Variants in HMCN1 observed in about 807,000 individuals in gnomAD.
HMCN1 encodes the protein hemicentin 1, also known as hemicentin-1.
HMCN1 carries 321 observed loss-of-function variants against 625.9 expected under a neutral mutation model. The ratio of observed to expected loss-of-function variants is 0.51; its 90% confidence interval spans 0.47 to 0.56. The LOEUF is 0.56. Among genes scored for constraint, HMCN1 ranks in the 20% least tolerant of loss-of-function variants. The pLI is 0.00. For missense variants in HMCN1, 6,588 were observed against 6,887.3 expected, an observed-to-expected ratio of 0.96 and a Z score of 1.54; for synonymous variants, 2,425 against 2,417.6, an observed-to-expected ratio of 1.00 and a Z score of -0.09.
At chr1:186,174,698 T>C in intron 103 of HMCN1, 56 bp downstream of exon 103, 2 of 1,574,766 alleles carry the variant, frequency 1.3e-6, no homozygotes, top group East Asian at 2.2e-5. Context: ...TACCTAGCCT[T>C]ACCAACTCGC....
In HMCN1 at chr1:185,798,958, T is replaced by C. The variant is rs149681616; in HGVS notation, c.269-47068T>C. On this transcript the variant is annotated intron_variant, in intron 1 of 106. Coordinates refer to ENST00000271588, the MANE Select transcript of HMCN1 (RefSeq NM_031935.3). ...GGTGTTGTAACACTTTTTCATACTT[T>C]CAGAATTATGTCTTTGGTTCCTAAT... Among the ~76,000 whole-genome samples, 110 of 152,324 alleles carry C rather than the reference T, an allele frequency of 7.2e-4. 1 individual carries two copies. Among genetic ancestry groups the C allele is most frequent in the African/African-American group, 2.6e-3 (110 of 41,580 alleles).
intron 1 of HMCN1, among the ~76,000 whole-genome samples, chr1:185,809,672 A>G (rs1166756643): frequency 1.3e-5 from 2 of 151,978 alleles, no homozygotes; most frequent in Non-Finnish European, 2.9e-5. Flanking sequence ...ACACTTTTTG[A>G]TATATAGATA....
At chr1:185,828,004 T>C (rs1323495173) in intron 1 of HMCN1, among the ~76,000 whole-genome samples, 2 of 152,134 alleles carry the variant, frequency 1.3e-5, no homozygotes, top group East Asian at 1.9e-4. Flanking sequence ...GTTGTTCAAA[T>C]ACAGAGGCAA....
In HMCN1 at chr1:186,061,759, A is replaced by G. The variant is rs1657718599; in HGVS notation, c.7313-92A>G. On this transcript the variant is annotated intron_variant, in intron 46 of 106. Transcript: ENST00000271588. Reference sequence around the variant, plus strand: ...TAAGGGCCTCTAAAGCATACTGATTAAATTTTTACCGAAATTGAGCATCAC... The same window carrying G: ...TAAGGGCCTCTAAAGCATACTGATTGAATTTTTACCGAAATTGAGCATCAC... 23 of 782,528 alleles carry G rather than the reference A, an allele frequency of 2.9e-5. No individual in the cohort carries two copies. In the South Asian group the frequency reaches 3.3e-4, roughly 11 times the overall value. 48.5% of individuals were successfully genotyped at this position (782,528 alleles called of 1,614,324 possible).
In HMCN1 at chr1:185,933,815, A is replaced by G; in HGVS notation, c.1819A>G (p.Thr607Ala). ...GGSSAASVFL[T>A]VQEPPKVTVM... ...ATCATCAGCCGCTTCAGTTTTCCTCACAGTGCAAGGTACAGTGCTTTGGTA... is the reference window on the plus strand; with the variant it reads ...ATCATCAGCCGCTTCAGTTTTCCTCGCAGTGCAAGGTACAGTGCTTTGGTA... The change falls in exon 11 of 107, where the codon ACA becomes GCA. Residue 607 changes from threonine to alanine, a missense_variant. Transcript: ENST00000271588. The G allele has an allele frequency of 6.2e-7, 1 of 1,613,634 alleles. No individual in the cohort carries two copies.
At chr1:185,930,068 C>A (rs573856060) in intron 10 of HMCN1, among the ~76,000 whole-genome samples, 1 of 152,160 alleles carries the variant, frequency 6.6e-6, no homozygotes, top group African/African-American at 2.4e-5. Context: ...AACTGACTGT[C>A]ATGAATTGGG....
intron 41 of HMCN1, among the ~76,000 whole-genome samples, chr1:186,047,939 T>G (rs4651293): frequency 0.62 from 93,802 of 152,006 alleles, 29,719 homozygotes; most frequent in African/African-American, 0.77. Context: ...ACTTCAGTGA[T>G]CATTGAATGT....
chr1:185,891,610 C>T (rs1315963973), intron 4 of HMCN1, among the ~76,000 whole-genome samples: 1 of 147,608 alleles, frequency 6.8e-6, no homozygotes, highest in Non-Finnish European at 1.5e-5. Context: ...GTTGAAAATT[C>T]TTTTCTTTAA....
intron 6 of HMCN1, among the ~76,000 whole-genome samples, chr1:185,920,717 C>A (rs1666965087): frequency 6.6e-6 from 1 of 151,906 alleles, no homozygotes; most frequent in Non-Finnish European, 1.5e-5. Flanking sequence ...TTGTTGAAAA[C>A]CACCTTTGTT....
intron 55 of HMCN1, among the ~76,000 whole-genome samples, chr1:186,079,200 TG>T (rs760014286): frequency 2.0e-5 from 3 of 152,224 alleles, no homozygotes; most frequent in Non-Finnish European, 4.4e-5. Context: ...CTTTTTGCTC[TG>T]CCTCTGTGGC....
At chr1:185,874,946 T>G (rs1345460796) in intron 4 of HMCN1, among the ~76,000 whole-genome samples, 1 of 151,954 alleles carries the variant, frequency 6.6e-6, no homozygotes, top group East Asian at 1.9e-4. Flanking sequence ...CCATTATTTA[T>G]TCAAATAATA....
intron 23 of HMCN1, among the ~76,000 whole-genome samples, chr1:185,994,573 G>A (rs1185043594): frequency 6.6e-6 from 1 of 152,016 alleles, no homozygotes; most frequent in African/African-American, 2.4e-5. Flanking sequence ...ATTATTTCCT[G>A]TAATCCTTGC....
intron 63 of HMCN1, among the ~76,000 whole-genome samples, chr1:186,089,817 C>A (rs1227963907): frequency 6.6e-6 from 1 of 151,798 alleles, no homozygotes; most frequent in Non-Finnish European, 1.5e-5. Flanking sequence ...TTCTTTAGTA[C>A]TCTAAATTGT....
intron 14 of HMCN1, among the ~76,000 whole-genome samples, chr1:185,966,219 C>T (rs983168567): frequency 1.3e-5 from 2 of 152,118 alleles, no homozygotes; most frequent in Non-Finnish European, 2.9e-5. Context: ...ACTCAGTTAA[C>T]GTTTAAAATA....
At chr1:186,005,778 ACAAT>A (rs1653587968) in intron 29 of HMCN1, among the ~76,000 whole-genome samples, 1 of 152,182 alleles carries the variant, frequency 6.6e-6, no homozygotes, top group African/African-American at 2.4e-5. Context: ...TGCACAATTG[ACAAT>A]CAATAAAAGT....
At chr1:185,751,175 C>A (rs909694499) in intron 1 of HMCN1, among the ~76,000 whole-genome samples, 1 of 152,086 alleles carries the variant, frequency 6.6e-6, no homozygotes, top group African/African-American at 2.4e-5. Context: ...CCTATGCATT[C>A]TTTACATTCT....
At position 186,153,992 on chromosome 1, in the gene HMCN1, T is replaced by C. The variant is rs1650833801; in HGVS notation, c.15256+5T>C. The C allele has an allele frequency of 1.9e-6, 3 of 1,606,406 alleles. No homozygotes were observed. In the East Asian group the frequency reaches 6.7e-5, roughly 36 times the overall value. ...TTCATGCTTCAATATCCAAAGGTAA[T>C]TTGATAAAAGAAAATCCATATCTTT... On this transcript the variant is annotated splice_donor_5th_base_variant and intron_variant, in intron 97 of 106. Coordinates refer to ENST00000271588, the MANE Select transcript of HMCN1 (RefSeq NM_031935.3).
chr1:185,887,001 C>T (rs1321211710), intron 4 of HMCN1, among the ~76,000 whole-genome samples: 2 of 152,120 alleles, frequency 1.3e-5, no homozygotes, highest in Non-Finnish European at 2.9e-5. Flanking sequence ...TGCCCCCACA[C>T]ATGCTGGGTA....
intron 1 of HMCN1, among the ~76,000 whole-genome samples, chr1:185,745,609 C>T (rs914394580): frequency 6.6e-6 from 1 of 152,144 alleles, no homozygotes; most frequent in Admixed American, 6.5e-5. Flanking sequence ...CAGTCTCTTT[C>T]GTTTAAAATA....
Sources: allele counts gnomAD v4.1 joint callset (sites outside exome capture counted in the v4.1 genomes callset), GRCh38; gene constraint gnomAD v4.1.1; transcripts MANE v1.5; gene names NCBI Gene and HGNC (gene_info 2026-07-23, HGNC 2026-07-21).